DDR2: variants seen among roughly 807,000 people sequenced by gnomAD.
DDR2 encodes discoidin domain receptor tyrosine kinase 2, also known as discoidin domain-containing receptor 2.
DDR2 carries 27 observed loss-of-function variants against 94.9 expected under a neutral mutation model. That is an observed-to-expected ratio of 0.28 (90% CI 0.21 to 0.39). DDR2 has a LOEUF of 0.39. DDR2 is among the 10% of genes least tolerant of loss of function. The pLI is 1.00. For synonymous variants in DDR2, 382 were observed against 377.2 expected, an observed-to-expected ratio of 1.01 and a Z score of -0.15; for missense variants, 783 against 1,076.0, an observed-to-expected ratio of 0.73 and a Z score of 3.81.
intron 9 of DDR2, among the ~76,000 whole-genome samples, chr1:162,762,482 C>T (rs1663793263): frequency 6.6e-6 from 1 of 152,082 alleles, no homozygotes; most frequent in African/African-American, 2.4e-5. Context: ...GAACTTTTTC[C>T]CTAAGTTTTA....
chr1:162,715,103 G>A lies in DDR2; in HGVS notation c.-27-3934G>A, dbSNP rs146559648. 1.5e-4 allele frequency among the ~76,000 whole-genome samples: 23 copies of A among 152,308 alleles called. No individual in the cohort carries two copies. The East Asian group carries it at 4.2e-3, about 28-fold the overall frequency. ...GATTCTGCTCACAATAAGCTTTAGA[G>A]ATACTTCCTTTTAGGGTATGGAATT... On this transcript the variant is annotated intron_variant, in intron 2 of 17. Coordinates refer to ENST00000367921, the MANE Select transcript of DDR2 (RefSeq NM_006182.4).
chr1:162,755,143 T>C lies in DDR2; in HGVS notation c.418-13T>C. On this transcript the variant is annotated splice_polypyrimidine_tract_variant and intron_variant, in intron 5 of 17. Transcript: ENST00000367921. ...AATACCACCTCTTCACTCATTCTCT[T>C]CTCTCTCCTCAGGTGCTGGATGGAA... 1 of 1,614,050 alleles carries C rather than the reference T, an allele frequency of 6.2e-7. No individual in the cohort carries two copies. The highest frequency in any genetic ancestry group is 2.2e-5 in the East Asian group (1 of 44,876).
chr1:162,765,933 A>AT (rs1553252990), intron 9 of DDR2, 68 bp from the exon 10 acceptor site: 4 of 1,453,458 alleles, frequency 2.8e-6, no homozygotes, highest in Non-Finnish European at 3.9e-6. Flanking sequence ...AGGTCACAAT[A>AT]TGCCTTCAGA....
intron 1 of DDR2, among the ~76,000 whole-genome samples, chr1:162,646,233 A>G (rs1329490600): frequency 6.6e-6 from 1 of 152,230 alleles, no homozygotes; most frequent in East Asian, 1.9e-4. Context: ...TTTAAATCCT[A>G]GAACTCTTGT....
chr1:162,775,787 G>A lies in DDR2; in HGVS notation c.1992G>A (p.Gln664=), dbSNP rs1432301544. The A allele has an allele frequency of 1.5e-5, 25 of 1,613,880 alleles. No individual in the cohort carries two copies. The highest frequency in any genetic ancestry group is 5.3e-5 in the African/African-American group (4 of 74,884). The change falls in exon 15 of 18, where the codon CAG becomes CAA. Residue 664 remains glutamine (Q), a synonymous_variant. Coordinates refer to ENST00000367921, the MANE Select transcript of DDR2 (RefSeq NM_006182.4). ...ACATGGAGAATGGAGATCTCAATCA[G>A]TTTCTTTCCCGCCACGAGCCCCCTA... The part of the protein sequence containing the change: ...TEYMENGDLN[Q]FLSRHEPPNS...
intron 2 of DDR2, among the ~76,000 whole-genome samples, chr1:162,710,100 C>A (rs764609807): frequency 1.3e-5 from 2 of 152,208 alleles, no homozygotes; most frequent in Non-Finnish European, 2.9e-5. Context: ...AGTCATGTGA[C>A]TCAACATCTT....
intron 2 of DDR2, among the ~76,000 whole-genome samples, chr1:162,694,767 T>C (rs1176258905): frequency 6.6e-6 from 1 of 152,258 alleles, no homozygotes; most frequent in Non-Finnish European, 1.5e-5. Context: ...TTTTTATTAG[T>C]AACTGATAGA....
At chr1:162,759,679 A>C (rs1250466678) in intron 7 of DDR2, 117 bp from the exon 8 acceptor site, 1 of 1,180,056 alleles carries the variant, frequency 8.5e-7, no homozygotes, top group Admixed American at 2.0e-5. Context: ...CTTCAATTCC[A>C]AGATAATAAG....
intron 2 of DDR2, among the ~76,000 whole-genome samples, chr1:162,670,751 T>C (rs1472685278): frequency 2.6e-5 from 4 of 152,238 alleles, no homozygotes; most frequent in Non-Finnish European, 4.4e-5. Context: ...TGCAAACCCC[T>C]AGTGCTTCTG....
chr1:162,659,898 T>C (rs1658204094), intron 2 of DDR2, among the ~76,000 whole-genome samples: 2 of 152,160 alleles, frequency 1.3e-5, no homozygotes, highest in South Asian at 4.1e-4. Context: ...CAGAGCAGAT[T>C]TGGGCTGCTA....
chr1:162,683,860 GT>G (rs543855294), intron 2 of DDR2, among the ~76,000 whole-genome samples: 20 of 151,872 alleles, frequency 1.3e-4, no homozygotes, highest in African/African-American at 1.7e-4. Flanking sequence ...CAGCAACGTT[GT>G]TTTTTTTAAA....
chr1:162,771,560 T>C (rs974737154), intron 12 of DDR2, among the ~76,000 whole-genome samples: 5 of 152,172 alleles, frequency 3.3e-5, no homozygotes, highest in Non-Finnish European at 5.9e-5. Context: ...GTCTAAAACA[T>C]CCCCCACTTC....
At chr1:162,643,820 T>A (rs1657270178) in intron 1 of DDR2, among the ~76,000 whole-genome samples, 1 of 152,232 alleles carries the variant, frequency 6.6e-6, no homozygotes, top group Admixed American at 6.5e-5. Flanking sequence ...ACTCGAATAT[T>A]GAAAGGAATT....
rs897863439 is a variant in DDR2 at position 162,755,612 on chromosome 1, G to C, written c.566-52G>C. 2 of 1,516,418 alleles carry C rather than the reference G, an allele frequency of 1.3e-6. 1 individual carries two copies. 93.9% of individuals were successfully genotyped at this position (1,516,418 alleles called of 1,614,324 possible). A position where few individuals can be genotyped will look rare whatever the true frequency, so the allele number is the denominator to read the frequency against. ...ACCCTTGAAACTCACATAGTTCCCT[G>C]AGGTAATGGGCCTGAGCAGTAGGCA... On this transcript the variant is annotated intron_variant, in intron 6 of 17. Coordinates refer to ENST00000367921, the MANE Select transcript of DDR2 (RefSeq NM_006182.4).
At chr1:162,675,637 GA>G in intron 2 of DDR2, among the ~76,000 whole-genome samples, 1 of 152,350 alleles carries the variant, frequency 6.6e-6, no homozygotes, top group African/African-American at 2.4e-5. Flanking sequence ...ATAAGTGGCA[GA>G]AAGACAGCTG....
At chr1:162,636,041 C>A (rs1173004510) in intron 1 of DDR2, among the ~76,000 whole-genome samples, 1 of 152,172 alleles carries the variant, frequency 6.6e-6, no homozygotes, top group Non-Finnish European at 1.5e-5. Flanking sequence ...AAGTGATGAT[C>A]TCTGTAAATT....
At chr1:162,643,536 C>A (rs1252403107) in intron 1 of DDR2, among the ~76,000 whole-genome samples, 2 of 152,096 alleles carry the variant, frequency 1.3e-5, no homozygotes, top group Non-Finnish European at 2.9e-5. Flanking sequence ...GGCTGGAGTG[C>A]AGAGGCTCGG....
In DDR2 at chr1:162,741,214, T is replaced by TACAATAC. The variant is rs1558057361; in HGVS notation, c.83-11880_83-11879insCAATACA. Among the ~76,000 whole-genome samples the TACAATAC allele has an allele frequency of 7.6e-3, 671 of 88,438 alleles. 13 individuals carry two copies. Among genetic ancestry groups the TACAATAC allele is most frequent in the African/African-American group, 0.028 (623 of 22,632 alleles). 58.0% of individuals were successfully genotyped at this position (88,438 alleles called of 152,430 possible). A position where few individuals can be genotyped will look rare whatever the true frequency, so the allele number is the denominator to read the frequency against. On this transcript the variant is annotated intron_variant, in intron 3 of 17. Transcript: ENST00000367921. The stretch of plus-strand genomic sequence containing the variant: ...TAACATAATACAATACAATACAATA[T>TACAATAC]AATATAATATAATATAATATAATAT...
intron 2 of DDR2, among the ~76,000 whole-genome samples, chr1:162,673,214 G>C (rs936300042): frequency 2.6e-5 from 4 of 152,162 alleles, no homozygotes; most frequent in African/African-American, 4.8e-5. Flanking sequence ...GCCTCTTAGA[G>C]GGCAGCTTTT....
Sources: allele counts gnomAD v4.1 joint callset (sites outside exome capture counted in the v4.1 genomes callset), GRCh38; gene constraint gnomAD v4.1.1; transcripts MANE v1.5; gene names NCBI Gene and HGNC (gene_info 2026-07-23, HGNC 2026-07-21).